MYO3B: variants seen among roughly 807,000 people sequenced by gnomAD.
MYO3B encodes the protein myosin-IIIb.
A neutral mutation model predicts 174.6 loss-of-function variants in MYO3B; 156 were observed. That is an observed-to-expected ratio of 0.89 (90% confidence interval 0.78 to 1.02). The LOEUF (loss-of-function observed/expected upper bound fraction) is 1.02, where lower values mean the gene tolerates loss of function less well. Among genes scored for constraint, MYO3B ranks in the 50% least tolerant of loss-of-function variants. MYO3B has a pLI of 0.00. For missense variants in MYO3B, 1,632 were observed against 1,639.4 expected, an observed-to-expected ratio of 1.00 and a Z score of 0.08; for synonymous variants, 563 against 569.1, an observed-to-expected ratio of 0.99 and a Z score of 0.15.
At chr2:170,646,474 A>G (rs1004263187) in intron 32 of MYO3B, among the ~76,000 whole-genome samples, 2 of 151,642 alleles carry the variant, frequency 1.3e-5, no homozygotes, top group African/African-American at 2.4e-5. Flanking sequence ...GGCTCACTGC[A>G]ACCCCTGCCT....
At chr2:170,597,372 GAAAA>G (rs1045370668) in intron 32 of MYO3B, among the ~76,000 whole-genome samples, 1 of 61,334 alleles carries the variant, frequency 1.6e-5, no homozygotes, top group African/African-American at 5.5e-5. Context: ...CATCTCAAAA[GAAAA>G]AAAAAAAAAA....
At chr2:170,356,119 C>G (rs923748290) in intron 8 of MYO3B, among the ~76,000 whole-genome samples, 2 of 151,762 alleles carry the variant, frequency 1.3e-5, no homozygotes, top group Non-Finnish European at 1.5e-5. Flanking sequence ...CGCCACCATG[C>G]CCGGCTGACT....
chr2:170,204,861 T>A (rs2092698832), intron 3 of MYO3B, among the ~76,000 whole-genome samples: 1 of 151,586 alleles, frequency 6.6e-6, no homozygotes, highest in African/African-American at 2.4e-5. Context: ...TTAAATATAA[T>A]TCTTTGTTAT....
At chr2:170,220,501 G>T (rs2092884431) in intron 6 of MYO3B, among the ~76,000 whole-genome samples, 1 of 146,404 alleles carries the variant, frequency 6.8e-6, no homozygotes, top group Non-Finnish European at 1.5e-5. Context: ...GGATGGCAGG[G>T]GCCTGTAGTC....
intron 7 of MYO3B, among the ~76,000 whole-genome samples, chr2:170,304,569 A>G (rs373237350): frequency 1.1e-3 from 162 of 148,408 alleles, no homozygotes; most frequent in African/African-American, 3.7e-3. Flanking sequence ...GGTTCAAGTG[A>G]TTCTCCTGCC....
chr2:170,650,430 T>C (rs1325815488), intron 32 of MYO3B, among the ~76,000 whole-genome samples: 1 of 152,134 alleles, frequency 6.6e-6, no homozygotes, highest in Non-Finnish European at 1.5e-5. Context: ...AGTTAAAATA[T>C]GATACCAAGT....
chr2:170,554,425 A>G (rs1005535307), intron 32 of MYO3B, among the ~76,000 whole-genome samples: 4 of 152,132 alleles, frequency 2.6e-5, no homozygotes, highest in African/African-American at 9.7e-5. Flanking sequence ...TTCTGACTCT[A>G]TTGGAGGAGC....
intron 32 of MYO3B, among the ~76,000 whole-genome samples, chr2:170,593,910 C>T (rs939141448): frequency 6.6e-6 from 1 of 152,102 alleles, no homozygotes; most frequent in African/African-American, 2.4e-5. Context: ...TCTTGGGGCT[C>T]GCTGATATTG....
intron 23 of MYO3B, among the ~76,000 whole-genome samples, chr2:170,460,538 G>A (rs1483453717): frequency 1.4e-5 from 2 of 139,184 alleles, no homozygotes; most frequent in Non-Finnish European, 3.1e-5. Flanking sequence ...GTCAAACACA[G>A]TACTAAGTAT....
intron 32 of MYO3B, among the ~76,000 whole-genome samples, chr2:170,551,538 CAAAAAAAAAAAA>C (rs3072763): frequency 8.9e-5 from 5 of 56,192 alleles, no homozygotes; most frequent in African/African-American, 1.3e-4. Flanking sequence ...TGACTTTTTG[CAAAAAAAAAAAA>C]AAAAAAAAAA....
chr2:170,546,312 AC>A (rs1397800809), intron 32 of MYO3B, among the ~76,000 whole-genome samples: 3 of 152,220 alleles, frequency 2.0e-5, no homozygotes, highest in Non-Finnish European at 2.9e-5. Flanking sequence ...TCTCCTCACA[AC>A]CTAGCCTAGG....
intron 7 of MYO3B, among the ~76,000 whole-genome samples, chr2:170,293,480 T>A (rs992895345): frequency 1.3e-5 from 2 of 152,164 alleles, no homozygotes; most frequent in South Asian, 2.1e-4. Flanking sequence ...TTCACAGATA[T>A]TTTTTGGTGG....
intron 34 of MYO3B, 102 bp from the exon 35 acceptor site, chr2:170,652,881 C>A (rs769850528): frequency 5.9e-6 from 8 of 1,357,406 alleles, no homozygotes; most frequent in East Asian, 2.3e-5. Context: ...GTGTTGGAGC[C>A]CAACCCTGTT....
intron 23 of MYO3B, among the ~76,000 whole-genome samples, chr2:170,454,633 G>C (rs1181151669): frequency 6.6e-6 from 1 of 152,174 alleles, no homozygotes; most frequent in African/African-American, 2.4e-5. Context: ...AGGGGCTACC[G>C]AACCACGGGC....
chr2:170,422,193 TTTGTTG>T (rs374107691), intron 22 of MYO3B, among the ~76,000 whole-genome samples: 1 of 152,020 alleles, frequency 6.6e-6, no homozygotes, highest in Non-Finnish European at 1.5e-5. Flanking sequence ...CTTGAGTTGC[TTTGTTG>T]TTGTTGTTGT....
intron 22 of MYO3B, 85 bp downstream of exon 22, chr2:170,407,929 AG>A: frequency 1.3e-6 from 2 of 1,496,014 alleles, no homozygotes; most frequent in Non-Finnish European, 1.8e-6. Context: ...GAATACTGCC[AG>A]GGCTGCACCG....
intron 22 of MYO3B, among the ~76,000 whole-genome samples, chr2:170,434,947 C>T (rs1352266636): frequency 6.6e-6 from 1 of 152,236 alleles, no homozygotes; most frequent in Non-Finnish European, 1.5e-5. Flanking sequence ...GTGAGAGCCA[C>T]TGTACTTAGC....
chr2:170,556,474 G>C (rs1691300404), intron 32 of MYO3B, among the ~76,000 whole-genome samples: 1 of 151,748 alleles, frequency 6.6e-6, no homozygotes, highest in South Asian at 2.1e-4. Context: ...GAGAGTTCCT[G>C]TTGCTCTGCA....
intron 7 of MYO3B, among the ~76,000 whole-genome samples, chr2:170,258,772 T>C (rs2093323919): frequency 6.6e-6 from 1 of 151,984 alleles, no homozygotes. Flanking sequence ...ACAAATTATC[T>C]CTCTTCACTG....
Sources: gnomAD v4.1 joint callset for allele counts (sites outside exome capture counted in the v4.1 genomes callset) on GRCh38, gnomAD v4.1.1 for gene constraint, MANE v1.5 for transcripts, NCBI Gene and HGNC (gene_info 2026-07-23, HGNC 2026-07-21) for gene names.